The following ASCC3 variants were observed in gnomAD, a reference collection of about 807,000 sequenced individuals.
ASCC3 encodes the protein activating signal cointegrator 1 complex subunit 3.
Under a neutral mutation model 256.3 loss-of-function variants are expected in ASCC3, and 158 were observed. That is an observed-to-expected ratio of 0.62 (90% CI 0.54 to 0.70). ASCC3 has a LOEUF of 0.70. Ranked by LOEUF, ASCC3 falls within the 30% of genes least tolerant of loss-of-function variation. The pLI is 0.00. For synonymous variants in ASCC3, 948 were observed against 883.4 expected (o/e 1.07, Z -1.30); for missense variants, 2,259 against 2,626.0 (o/e 0.86, Z 3.05).
intron 14 of ASCC3, among the ~76,000 whole-genome samples, chr6:100,668,842 A>G (rs79542962): frequency 2.0e-5 from 3 of 152,004 alleles, no homozygotes; most frequent in East Asian, 3.9e-4. Context: ...AAAAGGCTAC[A>G]TTCAGTCCTG....
intron 10 of ASCC3, among the ~76,000 whole-genome samples, chr6:100,738,175 T>A (rs1780269956): frequency 6.6e-6 from 1 of 152,232 alleles, no homozygotes; most frequent in Non-Finnish European, 1.5e-5. Flanking sequence ...GGTTGTCCAT[T>A]CACTCTGAAA....
At chr6:100,715,323 A>T in intron 13 of ASCC3, 139 bp downstream of exon 13, 1 of 687,492 alleles carries the variant, frequency 1.5e-6, no homozygotes, top group Non-Finnish European at 2.5e-6. Context: ...AGCAGTTATT[A>T]AGAATTAGAA....
chr6:100,513,793 T>C (rs1773891890), intron 39 of ASCC3, among the ~76,000 whole-genome samples: 1 of 152,100 alleles, frequency 6.6e-6, no homozygotes, highest in Non-Finnish European at 1.5e-5. Flanking sequence ...AATGAATGAA[T>C]GAGAATACCT....
intron 36 of ASCC3, among the ~76,000 whole-genome samples, chr6:100,574,231 A>G (rs1273817279): frequency 2.0e-5 from 3 of 152,290 alleles, no homozygotes; most frequent in East Asian, 3.9e-4. Flanking sequence ...GACAAGCTAA[A>G]AGTATCTTTT....
intron 30 of ASCC3, among the ~76,000 whole-genome samples, chr6:100,613,911 T>C (rs182757319): frequency 1.3e-3 from 198 of 152,262 alleles, no homozygotes; most frequent in Non-Finnish European, 1.5e-3. Context: ...TGATTAGTAA[T>C]GGTGAGCATT....
At chr6:100,741,227 G>C (rs1283215370) in intron 10 of ASCC3, among the ~76,000 whole-genome samples, 1 of 152,184 alleles carries the variant, frequency 6.6e-6, no homozygotes, top group African/African-American at 2.4e-5. Context: ...CTTCTAGCTT[G>C]TAGGTTTTCT....
chr6:100,709,323 G>T (rs550084452), intron 13 of ASCC3, among the ~76,000 whole-genome samples: 2 of 152,210 alleles, frequency 1.3e-5, no homozygotes, highest in African/African-American at 4.8e-5. Flanking sequence ...AACATTTAAC[G>T]TACTTAATAA....
At chr6:100,718,013 A>G (rs1779163749) in intron 12 of ASCC3, 62 bp downstream of exon 12, 1 of 1,529,440 alleles carries the variant, frequency 6.5e-7, no homozygotes, top group Admixed American at 1.7e-5. Flanking sequence ...CTAACTCCAA[A>G]CAAGTATTCA....
chr6:100,804,868 A>T (rs1365069429), intron 5 of ASCC3, among the ~76,000 whole-genome samples: 2 of 152,170 alleles, frequency 1.3e-5, no homozygotes, highest in Admixed American at 6.6e-5. Context: ...CTTAAGACAG[A>T]GTTACCATTT....
At chr6:100,717,207 A>G (rs1779126731) in intron 12 of ASCC3, among the ~76,000 whole-genome samples, 1 of 151,988 alleles carries the variant, frequency 6.6e-6, no homozygotes, top group Admixed American at 6.6e-5. Context: ...GTCACTTTGG[A>G]TATTTTTAGG....
At chr6:100,722,282 T>C (rs898446616) in intron 11 of ASCC3, among the ~76,000 whole-genome samples, 2 of 151,882 alleles carry the variant, frequency 1.3e-5, no homozygotes, top group Non-Finnish European at 2.9e-5. Context: ...TCTCTTTTAT[T>C]GTACTTCTTG....
At chr6:100,540,479 A>T (rs924603606) in intron 36 of ASCC3, 92 bp from the exon 37 acceptor site, 2 of 1,061,962 alleles carry the variant, frequency 1.9e-6, no homozygotes, top group African/African-American at 3.2e-5. Flanking sequence ...ATGGCTCAGA[A>T]AAATCATACA....
At chr6:100,709,489 G>A (rs1778768105) in intron 13 of ASCC3, among the ~76,000 whole-genome samples, 1 of 152,082 alleles carries the variant, frequency 6.6e-6, no homozygotes, top group Non-Finnish European at 1.5e-5. Context: ...TGCTTAACAT[G>A]CCTTAGGTTC....
At chr6:100,820,367 G>A (rs1293036495) in intron 4 of ASCC3, among the ~76,000 whole-genome samples, 1 of 152,074 alleles carries the variant, frequency 6.6e-6, no homozygotes, top group African/African-American at 2.4e-5. Context: ...TTAAAAGAAT[G>A]CCAAGACTAT....
Position 100,627,583 on chromosome 6 carries a change from A to G in ASCC3, c.4642+7T>C, listed in dbSNP as rs1379446225. 12 of 1,613,038 alleles carry G rather than the reference A, an allele frequency of 7.4e-6. No homozygotes were observed. Among genetic ancestry groups the G allele is most frequent in the Non-Finnish European group, 9.3e-6 (11 of 1,179,536 alleles). On this transcript the variant is annotated splice_region_variant and intron_variant, in intron 29 of 41. Coordinates refer to ENST00000369162, the MANE Select transcript of ASCC3 (RefSeq NM_006828.4). ...TTACTATTTTATTCCAAGAATCTGA[A>G]GCTTACCCTGAAATGCAGGCTTGTT...
intron 36 of ASCC3, among the ~76,000 whole-genome samples, chr6:100,577,891 TAGA>T (rs1324966714): frequency 6.6e-6 from 1 of 152,064 alleles, no homozygotes; most frequent in Non-Finnish European, 1.5e-5. Flanking sequence ...AGTCTGTGGG[TAGA>T]ATAGTGAGCA....
chr6:100,718,243 G>T lies in ASCC3; in HGVS notation c.1911C>A (p.Ser637=). The T allele has an allele frequency of 6.2e-7, 1 of 1,606,546 alleles. No individual in the cohort carries two copies. Among genetic ancestry groups the T allele is most frequent in the South Asian group, 1.1e-5 (1 of 89,916 alleles). The change falls in exon 12 of 42, where the codon TCC becomes TCA. Residue 637 remains serine (S), a synonymous_variant. Coordinates refer to ENST00000369162, the MANE Select transcript of ASCC3 (RefSeq NM_006828.4). ...IVARTLRQVE[S]TQSMIRILGL... Reference sequence around the variant, plus strand: ...CGAGAATCCTTATCATACTCTGTGTGGATTCCACCTATATGGATTATTTTA... The same window carrying T: ...CGAGAATCCTTATCATACTCTGTGTTGATTCCACCTATATGGATTATTTTA...
chr6:100,821,380 A>G (rs1250875556), intron 4 of ASCC3, among the ~76,000 whole-genome samples: 1 of 148,794 alleles, frequency 6.7e-6, no homozygotes, highest in Non-Finnish European at 1.5e-5. Flanking sequence ...CACCTAAGAG[A>G]ACTGAAATAC....
intron 13 of ASCC3, among the ~76,000 whole-genome samples, chr6:100,709,734 G>A (rs1409574088): frequency 6.6e-6 from 1 of 152,052 alleles, no homozygotes; most frequent in Non-Finnish European, 1.5e-5. Context: ...ATTTAGTAAT[G>A]CAGTATAACT....
Sources: allele counts gnomAD v4.1 joint callset (sites outside exome capture counted in the v4.1 genomes callset), GRCh38; gene constraint gnomAD v4.1.1; transcripts MANE v1.5; gene names NCBI Gene and HGNC (gene_info 2026-07-23, HGNC 2026-07-21).